Variants in NBEA observed in about 807,000 individuals in gnomAD.
The protein encoded by NBEA is lysosomal-trafficking regulator 2.
A neutral mutation model predicts 343.4 loss-of-function variants in NBEA; 44 were observed. The observed-to-expected ratio is 0.13, with a 90% confidence interval of 0.10 to 0.16. NBEA has a LOEUF of 0.16. Ranked by LOEUF, NBEA falls within the 10% of genes least tolerant of loss-of-function variation. NBEA has a pLI of 1.00. For missense variants in NBEA, 2,555 were observed against 3,631.3 expected (o/e 0.70, Z 7.62); for synonymous variants, 1,175 against 1,238.7 (o/e 0.95, Z 1.08).
chr13:35,232,749 G>T, intron 34 of NBEA, 130 bp downstream of exon 34: 2 of 676,648 alleles, frequency 3.0e-6, no homozygotes, highest in African/African-American at 1.9e-5. Flanking sequence ...ATTCTAATAA[G>T]ATATTCAATA....
chr13:35,353,681 A>G (rs1195726091), intron 38 of NBEA, among the ~76,000 whole-genome samples: 1 of 152,130 alleles, frequency 6.6e-6, no homozygotes, highest in South Asian at 2.1e-4. Context: ...AGAACTTTAC[A>G]TGGATTATTT....
chr13:35,064,759 C>T (rs1195884878), intron 8 of NBEA, among the ~76,000 whole-genome samples: 3 of 151,508 alleles, frequency 2.0e-5, no homozygotes, highest in Non-Finnish European at 4.4e-5. Context: ...GAAATTAGGA[C>T]ACAGCCACAC....
At chr13:35,643,685 A>G (rs576063992) in intron 49 of NBEA, among the ~76,000 whole-genome samples, 9 of 152,308 alleles carry the variant, frequency 5.9e-5, no homozygotes, top group Admixed American at 2.6e-4. Context: ...CAGGGCATTC[A>G]TTATGATTTA....
rs112123086 is a variant in NBEA, at chr13:35,459,581, C to G, written c.6448+7346C>G. Among the ~76,000 whole-genome samples the G allele has an allele frequency of 8.3e-3, 1,256 of 152,060 alleles. 22 individuals carry two copies. Among genetic ancestry groups the G allele is most frequent in the African/African-American group, 0.028 (1,170 of 41,476 alleles). ...CAGGAAGTTATGGCAGATAATGTAT[C>G]TTCCCTAAGAAATGAAAGTAGACAG... On this transcript the variant is annotated intron_variant, in intron 40 of 58. Coordinates refer to ENST00000379939, the MANE Select transcript of NBEA (RefSeq NM_001385012.1).
At chr13:35,476,959 C>A (rs965830687) in intron 41 of NBEA, 4 of 334,738 alleles carry the variant, frequency 1.2e-5, no homozygotes, top group African/African-American at 4.5e-5. Flanking sequence ...CTTGGCAAAG[C>A]GGCTCTCTTC....
chr13:35,650,573 G>A (rs1566461394), intron 52 of NBEA, among the ~76,000 whole-genome samples: 1 of 152,264 alleles, frequency 6.6e-6, no homozygotes, highest in African/African-American at 2.4e-5. Flanking sequence ...ACAGTGGCAG[G>A]CACCTGTAAT....
At chr13:35,517,631 C>T (rs1181576788) in intron 41 of NBEA, among the ~76,000 whole-genome samples, 3 of 152,156 alleles carry the variant, frequency 2.0e-5, no homozygotes, top group Non-Finnish European at 4.4e-5. Context: ...GATCAACCAT[C>T]CTTCAAGGCC....
At chr13:35,253,083 G>A (rs189730564) in intron 34 of NBEA, among the ~76,000 whole-genome samples, 29 of 152,230 alleles carry the variant, frequency 1.9e-4, no homozygotes, top group Admixed American at 1.6e-3. Flanking sequence ...CAAAGGCTCT[G>A]TGCCTGTGCT....
intron 1 of NBEA, among the ~76,000 whole-genome samples, chr13:34,985,103 C>G (rs1009818611): frequency 6.6e-6 from 1 of 150,994 alleles, no homozygotes; most frequent in Non-Finnish European, 1.5e-5. Context: ...GAGAGGGCAT[C>G]CTTGTCTTGT....
Position 35,628,097 on chromosome 13 carries a change from T to G in NBEA, c.7466T>G (p.Phe2489Cys). ...TCATTTCAGGCCCTAGAAAGTGAAT[T>G]TGTTTCTTGCCAACTTCATCAGTGG... ...RINRMALESE[F>C]VSCQLHQWID... The change falls in exon 49 of 59, where the codon TTT becomes TGT. Residue 2489 changes from phenylalanine to cysteine, a missense_variant. This residue lies in a region of NBEA where 11 missense variants were observed against 33.2 expected (regional missense o/e 0.33). Transcript: ENST00000379939. 6.2e-7 allele frequency: 1 copy of G among 1,612,406 alleles called. No homozygotes were observed. The highest frequency in any genetic ancestry group is 8.5e-7 in the Non-Finnish European group (1 of 1,179,134).
chr13:35,290,564 A>G, intron 35 of NBEA, 114 bp downstream of exon 35: 2 of 655,608 alleles, frequency 3.1e-6, no homozygotes, highest in Non-Finnish European at 5.2e-6. Flanking sequence ...ATTTCCATCT[A>G]TTATCCCATA....
intron 38 of NBEA, among the ~76,000 whole-genome samples, chr13:35,404,104 C>A (rs1381317415): frequency 6.6e-6 from 1 of 152,130 alleles, no homozygotes; most frequent in Non-Finnish European, 1.5e-5. Context: ...CAGGAAACAA[C>A]AGGTGCTGGA....
intron 36 of NBEA, among the ~76,000 whole-genome samples, chr13:35,336,245 A>G (rs117272237): frequency 0.014 from 2,176 of 152,242 alleles, 21 homozygotes; most frequent in South Asian, 0.03. Context: ...TTGCCATATT[A>G]TAATACTCAA....
intron 2 of NBEA, 119 bp downstream of exon 2, chr13:35,041,283 A>C (rs1399520826): frequency 1.2e-6 from 1 of 862,228 alleles, no homozygotes; most frequent in African/African-American, 1.7e-5. Context: ...AAATAAATGG[A>C]AATGTGTGGA....
chr13:35,154,108 G>A (rs370173644), intron 18 of NBEA, among the ~76,000 whole-genome samples: 27 of 151,982 alleles, frequency 1.8e-4, no homozygotes, highest in African/African-American at 6.5e-4. Context: ...GGGGAACGGG[G>A]GTAATTAAAT....
intron 17 of NBEA, among the ~76,000 whole-genome samples, chr13:35,125,705 A>G (rs967541696): frequency 6.6e-6 from 1 of 152,234 alleles, no homozygotes; most frequent in Non-Finnish European, 1.5e-5. Flanking sequence ...AATCAGATAA[A>G]AAACATGGAA....
chr13:35,224,059 G>C (rs756518800), intron 33 of NBEA, among the ~76,000 whole-genome samples: 6 of 152,136 alleles, frequency 3.9e-5, no homozygotes, highest in African/African-American at 1.4e-4. Context: ...TTCGGCATTA[G>C]TAATAATGCA....
At chr13:35,241,181 T>G (rs1355415848) in intron 34 of NBEA, among the ~76,000 whole-genome samples, 1 of 151,900 alleles carries the variant, frequency 6.6e-6, no homozygotes, top group Non-Finnish European at 1.5e-5. Flanking sequence ...AATCGAGTAA[T>G]TTTGGAAATT....
intron 34 of NBEA, among the ~76,000 whole-genome samples, chr13:35,289,280 A>G (rs1046219470): frequency 1.3e-5 from 2 of 151,958 alleles, no homozygotes; most frequent in Non-Finnish European, 2.9e-5. Context: ...CATCAAAAGA[A>G]GAAAAATGAT....
Sources: allele counts gnomAD v4.1 joint callset (sites outside exome capture counted in the v4.1 genomes callset), GRCh38; gene constraint gnomAD v4.1.1; regional missense constraint gnomAD v4.1.1; transcripts MANE v1.5; gene names NCBI Gene and HGNC (gene_info 2026-07-23, HGNC 2026-07-21).